The following RBFOX1 variants were observed in gnomAD, a reference collection of about 807,000 sequenced individuals.
RBFOX1 encodes RNA binding fox-1 homolog 1.
RBFOX1 carries 8 observed loss-of-function variants against 57.7 expected under a neutral mutation model. The observed-to-expected ratio is 0.14, with a 90% confidence interval of 0.08 to 0.25. The LOEUF (loss-of-function observed/expected upper bound fraction) is 0.25, where lower values mean the gene tolerates loss of function less well. RBFOX1 is among the 10% of genes least tolerant of loss of function. The pLI, the probability that RBFOX1 is intolerant of heterozygous loss-of-function variation, is 1.00. For missense variants in RBFOX1, 611 were observed against 548.5 expected, an observed-to-expected ratio of 1.11 and a Z score of -1.14; for synonymous variants, 326 against 222.4, an observed-to-expected ratio of 1.47 and a Z score of -4.15.
chr16:6,055,416 G>C (rs1001648604), intron 1 of RBFOX1, among the ~76,000 whole-genome samples: 1 of 151,554 alleles, frequency 6.6e-6, no homozygotes, highest in Admixed American at 6.6e-5. Flanking sequence ...AATATGGTGA[G>C]ACCCCATCTC....
intron 2 of RBFOX1, among the ~76,000 whole-genome samples, chr16:6,547,553 C>T (rs2096913416): frequency 2.0e-5 from 3 of 152,086 alleles, no homozygotes; most frequent in Admixed American, 6.6e-5. Context: ...ATGAAATCTT[C>T]CTCCTGGAAG....
chr16:6,247,113 T>C (rs564147384), intron 1 of RBFOX1, among the ~76,000 whole-genome samples: 1 of 152,292 alleles, frequency 6.6e-6, no homozygotes, highest in East Asian at 1.9e-4. Flanking sequence ...GTAGCATTGG[T>C]CACTTTCAAT....
chr16:5,605,152 C>G (rs1179275632), intron 3 of RBFOX1, among the ~76,000 whole-genome samples: 1 of 152,136 alleles, frequency 6.6e-6, no homozygotes, highest in Non-Finnish European at 1.5e-5. Context: ...CAGGCTTGTT[C>G]CCTGTTTTAC....
intron 2 of RBFOX1, among the ~76,000 whole-genome samples, chr16:6,570,620 A>G (rs750360802): frequency 6.6e-6 from 1 of 152,184 alleles, no homozygotes; most frequent in African/African-American, 2.4e-5. Flanking sequence ...TTTTTTTAAC[A>G]GCATATAAAG....
Position 6,713,044 on chromosome 16 carries a change from T to C in RBFOX1, c.-16+58394T>C, listed in dbSNP as rs1218826911. On this transcript the variant is annotated intron_variant, in intron 3 of 15. Transcript: ENST00000550418. ...GCTCCTCCTTTGCTTTCCACCATGA[T>C]TGTGAGGCCTCCCCAGCCATGTGAA... Among the ~76,000 whole-genome samples, 3 of 152,144 alleles carry C rather than the reference T, an allele frequency of 2.0e-5. 1 individual carries two copies. The East Asian group carries it at 5.8e-4, about 29-fold the overall frequency.
chr16:6,160,400 T>C (rs187013775), intron 1 of RBFOX1, among the ~76,000 whole-genome samples: 1 of 152,294 alleles, frequency 6.6e-6, no homozygotes, highest in Non-Finnish European at 1.5e-5. Context: ...CAAAAGCAGC[T>C]AAAATATACT....
intron 2 of RBFOX1, among the ~76,000 whole-genome samples, chr16:6,641,229 G>A (rs761401118): frequency 5.2e-4 from 79 of 152,148 alleles, no homozygotes; most frequent in Non-Finnish European, 1.1e-3. Context: ...CAAATCAGAG[G>A]TTCAGGGCTT....
At chr16:5,699,286 C>G (rs893561547) in intron 3 of RBFOX1, among the ~76,000 whole-genome samples, 4 of 151,426 alleles carry the variant, frequency 2.6e-5, no homozygotes, top group Admixed American at 1.3e-4. Flanking sequence ...TCACCTCAGT[C>G]TTTTAAAAAG....
chr16:5,469,759 A>G (rs1298845658), intron 2 of RBFOX1, among the ~76,000 whole-genome samples: 1 of 152,216 alleles, frequency 6.6e-6, no homozygotes, highest in Non-Finnish European at 1.5e-5. Flanking sequence ...GGAATTGTAT[A>G]GTATGTGGTC....
At chr16:7,644,136 A>C (rs775296350) in intron 11 of RBFOX1, among the ~76,000 whole-genome samples, 1 of 152,196 alleles carries the variant, frequency 6.6e-6, no homozygotes, top group Non-Finnish European at 1.5e-5. Context: ...TTTATGTTGC[A>C]TGATGGATAA....
rs140501641 is a variant in RBFOX1 at position 7,024,720 on chromosome 16, C to T, written c.-15-27337C>T. 1.1e-3 allele frequency among the ~76,000 whole-genome samples: 167 copies of T among 152,302 alleles called. 1 individual carries two copies. The highest frequency in any genetic ancestry group is 7.7e-3 in the South Asian group (37 of 4,822). ...GGCACAAATTCCTCAGCACTCTGTC[C>T]TGCTCTTGTTGCTGGACTTGATTGT... On this transcript the variant is annotated intron_variant, in intron 3 of 15. Coordinates refer to ENST00000550418, the MANE Select transcript of RBFOX1 (RefSeq NM_018723.4).
chr16:7,261,843 G>C (rs961727417), intron 4 of RBFOX1, among the ~76,000 whole-genome samples: 16 of 152,274 alleles, frequency 1.1e-4, no homozygotes, highest in Middle Eastern at 6.8e-3. Context: ...TCTCCCCAAA[G>C]TCTTGGATTC....
chr16:6,871,996 C>T (rs578111734), intron 3 of RBFOX1, among the ~76,000 whole-genome samples: 2 of 149,580 alleles, frequency 1.3e-5, no homozygotes, highest in South Asian at 2.1e-4. Flanking sequence ...CTCTGAAACC[C>T]TTTGTATACT....
intron 3 of RBFOX1, among the ~76,000 whole-genome samples, chr16:5,680,790 A>G (rs970944535): frequency 6.6e-6 from 1 of 152,124 alleles, no homozygotes; most frequent in African/African-American, 2.4e-5. Flanking sequence ...CTCATCCTCA[A>G]CAAATACTTG....
At chr16:6,738,867 A>C (rs2154180620) in intron 3 of RBFOX1, among the ~76,000 whole-genome samples, 1 of 152,336 alleles carries the variant, frequency 6.6e-6, no homozygotes, top group South Asian at 2.1e-4. Context: ...GAAGCTAAAC[A>C]GTAAACTTCT....
chr16:6,800,493 A>G (rs370010505), intron 3 of RBFOX1, among the ~76,000 whole-genome samples: 3 of 152,124 alleles, frequency 2.0e-5, no homozygotes, highest in South Asian at 2.1e-4. Flanking sequence ...GAGCATCTGC[A>G]TTTCTAATAG....
intron 1 of RBFOX1, among the ~76,000 whole-genome samples, chr16:5,332,534 G>T (rs2064783872): frequency 6.6e-6 from 1 of 152,028 alleles, no homozygotes; most frequent in Non-Finnish European, 1.5e-5. Flanking sequence ...AAAGTGCTGG[G>T]ATTACAGGTG....
chr16:5,359,097 G>T (rs1383288551), intron 1 of RBFOX1, among the ~76,000 whole-genome samples: 2 of 152,188 alleles, frequency 1.3e-5, no homozygotes, highest in South Asian at 4.1e-4. Flanking sequence ...ATTTCACTTA[G>T]CATAGTGACC....
intron 3 of RBFOX1, among the ~76,000 whole-genome samples, chr16:5,812,922 G>T (rs189544840): frequency 6.6e-6 from 1 of 151,812 alleles, no homozygotes; most frequent in Non-Finnish European, 1.5e-5. Flanking sequence ...CAAATATTTT[G>T]CCCATTAGAA....
Sources: allele counts gnomAD v4.1 joint callset (sites outside exome capture counted in the v4.1 genomes callset), GRCh38; gene constraint gnomAD v4.1.1; transcripts MANE v1.5; gene names NCBI Gene and HGNC (gene_info 2026-07-23, HGNC 2026-07-21).